CPE: variants seen among roughly 807,000 people sequenced by gnomAD.
CPE encodes the protein carbocypeptidase E.
CPE carries 17 observed loss-of-function variants against 53.5 expected under a neutral mutation model. The observed-to-expected ratio is 0.32, with a 90% CI of 0.22 to 0.48. The LOEUF is 0.48. Ranked by LOEUF, CPE falls within the 20% of genes least tolerant of loss-of-function variation. The probability of loss-of-function intolerance (pLI) is 0.99; values close to 1 mark genes in which losing one functional copy is unlikely to be tolerated. For synonymous variants in CPE, 226 were observed against 228.8 expected (o/e 0.99, Z 0.11); for missense variants, 524 against 614.7 (o/e 0.85, Z 1.56).
At chr4:165,437,727 A>G (rs1370678) in intron 1 of CPE, among the ~76,000 whole-genome samples, 55,864 of 151,900 alleles carry the variant, frequency 0.37, 10,434 homozygotes, top group Middle Eastern at 0.47. Flanking sequence ...TCTGGGAGCA[A>G]TCTGGGAGCA....
intron 7 of CPE, among the ~76,000 whole-genome samples, chr4:165,495,301 A>T (rs6850689): frequency 6.6e-6 from 1 of 152,022 alleles, no homozygotes; most frequent in South Asian, 2.1e-4. Context: ...TGATTAGAAG[A>T]TCTATGATCG....
chr4:165,460,807 C>T (rs1012318308), intron 1 of CPE, among the ~76,000 whole-genome samples: 1 of 152,036 alleles, frequency 6.6e-6, no homozygotes, highest in African/African-American at 2.4e-5. Context: ...GAATGCAAAT[C>T]CCTACTATGT....
At chr4:165,451,238 C>A (rs963962687) in intron 1 of CPE, among the ~76,000 whole-genome samples, 1 of 152,154 alleles carries the variant, frequency 6.6e-6, no homozygotes, top group Non-Finnish European at 1.5e-5. Flanking sequence ...GCTTAATTTT[C>A]CAAACTTGTT....
At chr4:165,405,724 A>T (rs774036019) in intron 1 of CPE, 20 of 858,274 alleles carry the variant, frequency 2.3e-5, no homozygotes, top group South Asian at 2.2e-4. Context: ...AACCAGTCCC[A>T]TTTTCTTTGC....
chr4:165,431,217 A>G (rs1731403034), intron 1 of CPE, among the ~76,000 whole-genome samples: 1 of 152,180 alleles, frequency 6.6e-6, no homozygotes, highest in African/African-American at 2.4e-5. Flanking sequence ...TTCCTGTCTT[A>G]ATGTGATACC....
At chr4:165,407,817 A>G (rs1730975847) in intron 1 of CPE, among the ~76,000 whole-genome samples, 1 of 151,570 alleles carries the variant, frequency 6.6e-6, no homozygotes, top group Non-Finnish European at 1.5e-5. Context: ...CGGCCTCCCA[A>G]AATGTTGGGA....
intron 8 of CPE, 26 bp downstream of exon 8, chr4:165,495,703 C>A: frequency 1.4e-6 from 2 of 1,414,552 alleles, no homozygotes; most frequent in Non-Finnish European, 2.0e-6. Context: ...AATAGCCAAA[C>A]GCTATAATAA....
At chr4:165,392,254 A>T (rs1181950375) in intron 1 of CPE, among the ~76,000 whole-genome samples, 1 of 146,930 alleles carries the variant, frequency 6.8e-6, no homozygotes, top group African/African-American at 2.5e-5. Flanking sequence ...ATAGGTATAT[A>T]ATATATATTT....
intron 1 of CPE, chr4:165,405,026 A>G (rs1730930363): frequency 1.4e-6 from 1 of 730,590 alleles, no homozygotes; most frequent in African/African-American, 1.7e-5. Flanking sequence ...GATGGACAGC[A>G]TCCATCACCA....
At chr4:165,387,980 T>C (rs1286490339) in intron 1 of CPE, among the ~76,000 whole-genome samples, 1 of 152,228 alleles carries the variant, frequency 6.6e-6, no homozygotes, top group Non-Finnish European at 1.5e-5. Context: ...ACAATAATTA[T>C]CGCATTTATT....
chr4:165,495,442 G>A (rs1160091154), intron 7 of CPE, 117 bp from the exon 8 acceptor site: 13 of 619,184 alleles, frequency 2.1e-5, no homozygotes, highest in Non-Finnish European at 2.8e-5. Flanking sequence ...TTTAAAAATC[G>A]AGAATCAAAA....
chr4:165,492,466 A>G (rs1732623480), intron 6 of CPE, among the ~76,000 whole-genome samples: 2 of 152,136 alleles, frequency 1.3e-5, no homozygotes, highest in Admixed American at 1.3e-4. Flanking sequence ...CTGCAGACAA[A>G]ACCCCTCAGA....
rs191063101 is a variant in CPE at position 165,396,788 on chromosome 4, G to A, written c.307+17260G>A. Among the ~76,000 whole-genome samples the A allele has an allele frequency of 1.6e-3, 246 of 151,884 alleles. 1 individual carries two copies. The highest frequency in any genetic ancestry group is 1.6e-3 in the Non-Finnish European group (110 of 67,960). ...CTCACTCCTGTAATCCCAGCACTTT[G>A]GGAGGCTGAGGCAGGACAATCACTT... On this transcript the variant is annotated intron_variant, in intron 1 of 8. Transcript: ENST00000402744.
chr4:165,453,877 C>T (rs1349444625), intron 1 of CPE, among the ~76,000 whole-genome samples: 2 of 152,124 alleles, frequency 1.3e-5, no homozygotes, highest in South Asian at 4.2e-4. Context: ...GTATTTCCAC[C>T]TTCACTAGTT....
intron 1 of CPE, among the ~76,000 whole-genome samples, chr4:165,408,973 G>C (rs1403122976): frequency 6.6e-6 from 1 of 152,186 alleles, no homozygotes; most frequent in Admixed American, 6.5e-5. Flanking sequence ...GGAATGGATT[G>C]GTTTATGGAT....
chr4:165,396,435 G>T (rs72701678), intron 1 of CPE, among the ~76,000 whole-genome samples: 1 of 151,676 alleles, frequency 6.6e-6, no homozygotes, highest in Non-Finnish European at 1.5e-5. Context: ...AGGCAGGCAG[G>T]TCACTTGAGA....
At chr4:165,480,358 AG>A (rs1267895007) in intron 3 of CPE, among the ~76,000 whole-genome samples, 3 of 152,240 alleles carry the variant, frequency 2.0e-5, no homozygotes, top group Non-Finnish European at 2.9e-5. Context: ...CTTTTGGTCA[AG>A]TCATTCAATT....
chr4:165,384,260 C>T (rs1730551003), intron 1 of CPE, among the ~76,000 whole-genome samples: 1 of 152,128 alleles, frequency 6.6e-6, no homozygotes, highest in Non-Finnish European at 1.5e-5. Flanking sequence ...TATTGAAAGA[C>T]CTAACAGAGC....
At chr4:165,481,619 T>C (rs1346934391) in intron 3 of CPE, among the ~76,000 whole-genome samples, 1 of 152,210 alleles carries the variant, frequency 6.6e-6, no homozygotes, top group Non-Finnish European at 1.5e-5. Flanking sequence ...AGTGAATCAT[T>C]CTAAAGACTT....
Sources: allele counts gnomAD v4.1 joint callset (sites outside exome capture counted in the v4.1 genomes callset), GRCh38; gene constraint gnomAD v4.1.1; transcripts MANE v1.5; gene names NCBI Gene and HGNC (gene_info 2026-07-23, HGNC 2026-07-21).